WDFY3: variants seen among roughly 807,000 people sequenced by gnomAD.
WDFY3 encodes the protein WD repeat and FYVE domain-containing protein 3.
In WDFY3, 66 loss-of-function variants were observed where a neutral mutation model predicts 409.6. The ratio of observed to expected loss-of-function variants is 0.16; its 90% CI spans 0.13 to 0.20. The LOEUF (loss-of-function observed/expected upper bound fraction) is 0.20. Ranked by LOEUF, WDFY3 falls within the 10% of genes least tolerant of loss-of-function variation. WDFY3 has a pLI of 1.00. For synonymous variants in WDFY3, 1,521 were observed against 1,537.1 expected (o/e 0.99, Z 0.25); for missense variants, 3,031 against 4,298.1 (o/e 0.71, Z 8.24).
chr4:84,791,651 G>C (rs570963566), intron 21 of WDFY3, among the ~76,000 whole-genome samples: 1 of 152,246 alleles, frequency 6.6e-6, no homozygotes, highest in East Asian at 1.9e-4. Context: ...AACGACACAA[G>C]AGGACAACTA....
At chr4:84,830,260 T>G (rs1480851908) in intron 8 of WDFY3, among the ~76,000 whole-genome samples, 1 of 152,202 alleles carries the variant, frequency 6.6e-6, no homozygotes, top group East Asian at 1.9e-4. Flanking sequence ...TATGATGGTG[T>G]GAAAGCAACA....
At chr4:84,691,501 T>C in intron 60 of WDFY3, 130 bp downstream of exon 60, 5 of 1,010,924 alleles carry the variant, frequency 4.9e-6, no homozygotes, top group African/African-American at 1.6e-5. Context: ...GAAAGCTCAC[T>C]TTTCTTTTGG....
At chr4:84,808,045 A>G (rs1266561259) in intron 15 of WDFY3, among the ~76,000 whole-genome samples, 2 of 152,152 alleles carry the variant, frequency 1.3e-5, no homozygotes, top group Non-Finnish European at 2.9e-5. Flanking sequence ...TTAATAAAAG[A>G]CATGTTTTTT....
chr4:84,721,595 G>A (rs896349784), intron 46 of WDFY3, 23 bp from the exon 47 acceptor site: 1 of 1,599,834 alleles, frequency 6.3e-7, no homozygotes, highest in African/African-American at 1.3e-5. Context: ...AACCAAGAGG[G>A]CCATGTGGCA....
intron 3 of WDFY3, among the ~76,000 whole-genome samples, chr4:84,865,627 C>T (rs1761281444): frequency 6.6e-6 from 1 of 152,200 alleles, no homozygotes; most frequent in Non-Finnish European, 1.5e-5. Context: ...CCCCCCAACC[C>T]CAGCCCTGCT....
intron 3 of WDFY3, among the ~76,000 whole-genome samples, chr4:84,888,406 A>G (rs535790587): frequency 3.9e-5 from 6 of 152,308 alleles, no homozygotes; most frequent in Non-Finnish European, 4.4e-5. Flanking sequence ...TCATTTAATG[A>G]GTTATGAGCA....
intron 10 of WDFY3, among the ~76,000 whole-genome samples, chr4:84,825,868 T>C (rs1394588371): frequency 6.6e-6 from 1 of 152,162 alleles, no homozygotes; most frequent in African/African-American, 2.4e-5. Flanking sequence ...TAAAAACTAT[T>C]AGAGGCCTCC....
At chr4:84,964,878 G>A (rs927249649) in intron 1 of WDFY3, among the ~76,000 whole-genome samples, 3 of 152,156 alleles carry the variant, frequency 2.0e-5, no homozygotes, top group African/African-American at 7.2e-5. Flanking sequence ...GAAACTAGCA[G>A]TAGAAACCTC....
At chr4:84,931,818 G>A (rs1429497790) in intron 2 of WDFY3, among the ~76,000 whole-genome samples, 2 of 151,866 alleles carry the variant, frequency 1.3e-5, no homozygotes, top group Non-Finnish European at 1.5e-5. Context: ...TAAAACTAAG[G>A]GTAGCCACAG....
intron 25 of WDFY3, among the ~76,000 whole-genome samples, chr4:84,782,023 C>T (rs887918940): frequency 1.3e-5 from 2 of 152,136 alleles, no homozygotes; most frequent in Non-Finnish European, 2.9e-5. Flanking sequence ...GTCACAATCA[C>T]TGGTTCTGAA....
intron 1 of WDFY3, among the ~76,000 whole-genome samples, chr4:84,938,961 CA>C (rs886777845): frequency 1.3e-5 from 2 of 152,118 alleles, no homozygotes; most frequent in African/African-American, 4.8e-5. Flanking sequence ...AACATTGTTA[CA>C]ATATTTTTAT....
intron 62 of WDFY3, among the ~76,000 whole-genome samples, chr4:84,685,141 A>G (rs1332875601): frequency 3.3e-5 from 5 of 152,210 alleles, no homozygotes; most frequent in Admixed American, 6.5e-5. Context: ...TTTAGAAAAG[A>G]CCTGGTAAAG....
chr4:84,907,811 G>A (rs374509402), intron 2 of WDFY3, among the ~76,000 whole-genome samples: 19 of 152,070 alleles, frequency 1.2e-4, no homozygotes, highest in African/African-American at 4.6e-4. Context: ...AGGGATAGAC[G>A]GGATATACAA....
At chr4:84,933,719 A>G (rs530550625) in intron 1 of WDFY3, among the ~76,000 whole-genome samples, 17 of 151,940 alleles carry the variant, frequency 1.1e-4, no homozygotes, top group African/African-American at 4.1e-4. Flanking sequence ...TCTATTCTCT[A>G]TTTATGAGTT....
chr4:84,965,054 T>A (rs1186950101), intron 1 of WDFY3, among the ~76,000 whole-genome samples: 6 of 152,208 alleles, frequency 3.9e-5, no homozygotes, highest in Non-Finnish European at 8.8e-5. Flanking sequence ...TTTTATTTTT[T>A]TTAAAGTCGG....
chr4:84,725,552 AG>A (rs1331545783), intron 45 of WDFY3, among the ~76,000 whole-genome samples: 2 of 152,218 alleles, frequency 1.3e-5, no homozygotes, highest in Non-Finnish European at 2.9e-5. Flanking sequence ...GTATGTATAT[AG>A]GTTCCTCGGA....
chr4:84,826,431 T>C (rs535673005), intron 10 of WDFY3, among the ~76,000 whole-genome samples: 2 of 152,302 alleles, frequency 1.3e-5, no homozygotes, highest in East Asian at 1.9e-4. Context: ...CCCCCACAGA[T>C]ACTGAGGGAT....
intron 3 of WDFY3, among the ~76,000 whole-genome samples, chr4:84,875,924 G>A (rs1309908480): frequency 6.6e-6 from 1 of 152,110 alleles, no homozygotes; most frequent in Non-Finnish European, 1.5e-5. Flanking sequence ...GCCTGAAGCT[G>A]TCTTACAGTT....
At chr4:84,964,129 A>G (rs559519762) in intron 1 of WDFY3, among the ~76,000 whole-genome samples, 3 of 152,360 alleles carry the variant, frequency 2.0e-5, no homozygotes, top group African/African-American at 4.8e-5. Flanking sequence ...TATATTCTGC[A>G]TATGATTTCT....
Sources: gnomAD v4.1 joint callset for allele counts (sites outside exome capture counted in the v4.1 genomes callset) on GRCh38, gnomAD v4.1.1 for gene constraint, MANE v1.5 for transcripts, NCBI Gene and HGNC (gene_info 2026-07-23, HGNC 2026-07-21) for gene names.